The following TAFA5 variants were observed in gnomAD, a reference collection of about 807,000 sequenced individuals.
TAFA5 encodes TAFA chemokine like family member 5, also known as chemokine-like protein TAFA-5.
Under a neutral mutation model 15.3 loss-of-function variants are expected in TAFA5, and 6 were observed. The ratio of observed to expected loss-of-function variants is 0.39; its 90% CI spans 0.21 to 0.77. The LOEUF (loss-of-function observed/expected upper bound fraction) is 0.77, where lower values mean the gene tolerates loss of function less well. TAFA5 is among the 30% of genes least tolerant of loss of function. The pLI, the probability that TAFA5 is intolerant of heterozygous loss-of-function variation, is 0.41. For synonymous variants in TAFA5, 103 were observed against 80.7 expected, an observed-to-expected ratio of 1.28 and a Z score of -1.48; for missense variants, 161 against 193.1, an observed-to-expected ratio of 0.83 and a Z score of 0.98.
intron 2 of TAFA5, among the ~76,000 whole-genome samples, chr22:48,677,232 G>T (rs57844584): frequency 6.6e-6 from 1 of 152,238 alleles, no homozygotes; most frequent in South Asian, 2.1e-4. Context: ...TTTTCCTGCT[G>T]TCAGGGCAGG....
intron 1 of TAFA5, among the ~76,000 whole-genome samples, chr22:48,542,510 CAT>C (rs760277384): frequency 6.7e-4 from 31 of 46,106 alleles, no homozygotes; most frequent in Non-Finnish European, 9.6e-4. Flanking sequence ...GCGTGTGTGG[CAT>C]GTGTGTGTGC....
At chr22:48,514,060 C>G (rs906089184) in intron 1 of TAFA5, among the ~76,000 whole-genome samples, 1 of 152,058 alleles carries the variant, frequency 6.6e-6, no homozygotes, top group African/African-American at 2.4e-5. Flanking sequence ...TGGGGCCAAG[C>G]ACTTCGAGGC....
chr22:48,652,909 G>A (rs1434983964), intron 2 of TAFA5, among the ~76,000 whole-genome samples: 1 of 152,164 alleles, frequency 6.6e-6, no homozygotes. Flanking sequence ...GCGACTGGGT[G>A]TACAGCCACA....
intron 2 of TAFA5, among the ~76,000 whole-genome samples, chr22:48,662,749 C>T (rs1190574712): frequency 6.6e-6 from 1 of 152,178 alleles, no homozygotes; most frequent in African/African-American, 2.4e-5. Flanking sequence ...GTTGAGGTCA[C>T]CAGGGAAACT....
rs779984609 is a variant in TAFA5 at position 48,490,031 on chromosome 22, C to T, written c.112+327C>T. Among the ~76,000 whole-genome samples the T allele has an allele frequency of 6.6e-6, 1 of 151,912 alleles. No individual in the cohort carries two copies. The highest frequency in any genetic ancestry group is 3.2e-3 in the Middle Eastern group (1 of 314). On this transcript the variant is annotated intron_variant, in intron 1 of 3. Transcript: ENST00000402357. This position sits in a 1 kb window ranked among gnomAD's most constrained non-coding sequence, Gnocchi z 5.8. ...GGAGCCCAGCCAGCGGCTTCCCGGC[C>T]GAGATGCGCGCTCAGGAGGCAGCCG...
intron 1 of TAFA5, among the ~76,000 whole-genome samples, chr22:48,610,671 G>T (rs375552151): frequency 2.0e-5 from 3 of 152,182 alleles, no homozygotes; most frequent in Non-Finnish European, 4.4e-5. Flanking sequence ...GTCAGCGTTG[G>T]GCCGTGTGAT....
chr22:48,744,855 G>A (rs192391974), intron 3 of TAFA5, among the ~76,000 whole-genome samples: 3 of 152,122 alleles, frequency 2.0e-5, no homozygotes, highest in Non-Finnish European at 2.9e-5. Flanking sequence ...TGCCTACCAG[G>A]TTCAAGCGAT....
At chr22:48,523,640 G>C (rs1333498042) in intron 1 of TAFA5, among the ~76,000 whole-genome samples, 1 of 152,174 alleles carries the variant, frequency 6.6e-6, no homozygotes, top group East Asian at 1.9e-4. Flanking sequence ...ACTGACCCCA[G>C]CCCCTCTGTG....
chr22:48,493,732 A>G (rs1928232738), intron 1 of TAFA5, among the ~76,000 whole-genome samples: 1 of 152,306 alleles, frequency 6.6e-6, no homozygotes, highest in African/African-American at 2.4e-5. Flanking sequence ...GCCGACATCC[A>G]TGCCCTAGGC....
intron 1 of TAFA5, among the ~76,000 whole-genome samples, chr22:48,611,214 C>T (rs937365697): frequency 2.6e-5 from 4 of 152,212 alleles, no homozygotes; most frequent in African/African-American, 9.6e-5. Flanking sequence ...GGATTACAGG[C>T]GTGAGGCACC....
chr22:48,548,070 C>G (rs965008990), intron 1 of TAFA5, among the ~76,000 whole-genome samples: 1 of 152,196 alleles, frequency 6.6e-6, no homozygotes, highest in Non-Finnish European at 1.5e-5. Flanking sequence ...GGGACCTCCC[C>G]CGAGTGAACA....
intron 1 of TAFA5, among the ~76,000 whole-genome samples, chr22:48,549,164 A>T (rs1269192528): frequency 6.6e-6 from 1 of 152,258 alleles, no homozygotes; most frequent in Non-Finnish European, 1.5e-5. Flanking sequence ...CAAAGGCAGG[A>T]TTCATGATCC....
chr22:48,589,217 C>T (rs1222243801), intron 1 of TAFA5, among the ~76,000 whole-genome samples: 3 of 152,162 alleles, frequency 2.0e-5, no homozygotes, highest in Non-Finnish European at 4.4e-5. Context: ...TGCTGTATGC[C>T]GGACATGGGC....
Position 48,530,066 on chromosome 22 carries a change from G to T in TAFA5, c.112+40362G>T, listed in dbSNP as rs542104422. ...GCAGAGGCCGTGGGCCCTCTGCTTT[G>T]TGGGGCTGGGCTGAGTAGGGTGAGG... On this transcript the variant is annotated intron_variant, in intron 1 of 3. Transcript: ENST00000402357. The surrounding 1 kb of genome is among the most constrained non-coding windows in gnomAD (Gnocchi z 6.0). 1.3e-5 allele frequency among the ~76,000 whole-genome samples: 2 copies of T among 152,276 alleles called. No homozygotes were observed. Among genetic ancestry groups the T allele is most frequent in the African/African-American group, 4.8e-5 (2 of 41,566 alleles).
chr22:48,641,140 G>GCTGAGAC (rs1211626320), intron 1 of TAFA5, among the ~76,000 whole-genome samples: 1 of 151,002 alleles, frequency 6.6e-6, no homozygotes, highest in Non-Finnish European at 1.5e-5. Context: ...TCTGCCTGAA[G>GCTGAGAC]CTGAGACCGT....
intron 1 of TAFA5, among the ~76,000 whole-genome samples, chr22:48,589,274 G>T (rs550895135): frequency 6.6e-6 from 1 of 152,354 alleles, no homozygotes; most frequent in South Asian, 2.1e-4. Flanking sequence ...TGGGGGTTTG[G>T]TAGGTCTCAT....
chr22:48,704,251 TTTCTC>T (rs1929009722), intron 2 of TAFA5, among the ~76,000 whole-genome samples: 1 of 152,060 alleles, frequency 6.6e-6, no homozygotes, highest in African/African-American at 2.4e-5. Flanking sequence ...GTCCAGCTCT[TTTCTC>T]AGGCATTGCA....
intron 2 of TAFA5, among the ~76,000 whole-genome samples, chr22:48,667,673 T>C (rs1927663458): frequency 6.6e-6 from 1 of 152,170 alleles, no homozygotes; most frequent in Admixed American, 6.5e-5. Flanking sequence ...GCAAAAATAA[T>C]CGGCTTCTGG....
intron 2 of TAFA5, among the ~76,000 whole-genome samples, chr22:48,683,712 C>A (rs73889584): frequency 8.5e-5 from 13 of 152,358 alleles, no homozygotes; most frequent in African/African-American, 2.9e-4. Context: ...ATTGGCAATA[C>A]GGTTTGGCTC....
Sources: gnomAD v4.1 joint callset for allele counts (sites outside exome capture counted in the v4.1 genomes callset) on GRCh38, gnomAD v4.1.1 for gene constraint, Gnocchi (gnomAD v3.1) non-coding constraint, MANE v1.5 for transcripts, NCBI Gene and HGNC (gene_info 2026-07-23, HGNC 2026-07-21) for gene names.